NSMCE1: variants seen among roughly 807,000 people sequenced by gnomAD.
NSMCE1 encodes the protein NSE1 component of SMC5/6 complex.
Under a neutral mutation model 29.6 loss-of-function variants are expected in NSMCE1, and 18 were observed. The observed-to-expected ratio is 0.61, with a 90% CI of 0.42 to 0.90. The LOEUF is 0.90. Ranked by LOEUF, NSMCE1 falls within the 40% of genes least tolerant of loss-of-function variation. The pLI is 0.00. For missense variants in NSMCE1, 314 were observed against 343.6 expected, an observed-to-expected ratio of 0.91 and a Z score of 0.68; for synonymous variants, 124 against 133.4, an observed-to-expected ratio of 0.93 and a Z score of 0.49.
intron 5 of NSMCE1, among the ~76,000 whole-genome samples, chr16:27,231,837 C>A (rs537311642): frequency 6.6e-6 from 1 of 152,164 alleles, no homozygotes; most frequent in Non-Finnish European, 1.5e-5. Flanking sequence ...GGGTGTCCGA[C>A]GTCATCCAGA....
intron 5 of NSMCE1, among the ~76,000 whole-genome samples, chr16:27,231,024 T>A (rs1412917032): frequency 6.6e-6 from 1 of 152,246 alleles, no homozygotes; most frequent in Non-Finnish European, 1.5e-5. Flanking sequence ...TGGCAGCATG[T>A]GCTAGGCATG....
chr16:27,259,382 C>T (rs1011859107), intron 1 of NSMCE1, among the ~76,000 whole-genome samples: 2 of 152,100 alleles, frequency 1.3e-5, no homozygotes, highest in Non-Finnish European at 1.5e-5. Context: ...CATTCCATGT[C>T]GATGTACTTA....
rs141891851 is a variant in NSMCE1 at position 27,232,479 on chromosome 16, A to G, written c.483+522T>C. Among the ~76,000 whole-genome samples the G allele has an allele frequency of 7.9e-5, 12 of 152,172 alleles. No homozygotes were observed. Among genetic ancestry groups the G allele is most frequent in the Non-Finnish European group, 1.6e-4 (11 of 68,034 alleles). ...CCTGAGGAACTCACTGCTGACAAAAACAACAGTGGTAATGTCACCAATTCC... is the reference window on the plus strand; with the variant it reads ...CCTGAGGAACTCACTGCTGACAAAAGCAACAGTGGTAATGTCACCAATTCC... On this transcript the variant is annotated intron_variant, in intron 5 of 7. Transcript: ENST00000361439. The surrounding 1 kb of genome is among the most constrained non-coding windows in gnomAD (Gnocchi z 4.5).
intron 5 of NSMCE1, chr16:27,230,498 G>A (rs1298197698): frequency 2.0e-5 from 3 of 152,302 alleles, no homozygotes; most frequent in African/African-American, 7.2e-5. Context: ...ATGTAGGTCA[G>A]AGAGCACTGG....
At chr16:27,229,498 A>G (rs2083740751) in intron 5 of NSMCE1, among the ~76,000 whole-genome samples, 1 of 152,244 alleles carries the variant, frequency 6.6e-6, no homozygotes, top group African/African-American at 2.4e-5. Flanking sequence ...AAGATGAAGT[A>G]GACCTTGCAC....
chr16:27,259,831 G>A (rs1345054533), intron 1 of NSMCE1, among the ~76,000 whole-genome samples: 5 of 152,094 alleles, frequency 3.3e-5, no homozygotes, highest in Non-Finnish European at 2.9e-5. Context: ...GTAGACTGCC[G>A]GCTGCCATCA....
At chr16:27,243,858 C>T (rs530087314) in intron 2 of NSMCE1, among the ~76,000 whole-genome samples, 5 of 152,242 alleles carry the variant, frequency 3.3e-5, no homozygotes, top group Admixed American at 6.5e-5. Context: ...GCAATGTTGC[C>T]CAGGCTGGTC....
Position 27,235,228 on chromosome 16 carries a change from C to T in NSMCE1, c.208G>A (p.Glu70Lys). 6.2e-7 allele frequency: 1 copy of T among 1,613,778 alleles called. No homozygotes were observed. The highest frequency in any genetic ancestry group is 8.5e-7 in the Non-Finnish European group (1 of 1,179,810). ...TCTTCCGTGACTCCTCTCTTTATCTCAATATACAAGGACTCCAAGACACTG... is the reference window on the plus strand; with the variant it reads ...TCTTCCGTGACTCCTCTCTTTATCTTAATATACAAGGACTCCAAGACACTG... Reference protein sequence around the residue: ...INSVLESLYIEIKRGVTEDDG... With the variant: ...INSVLESLYIKIKRGVTEDDG... The change falls in exon 3 of 8, where the codon GAG becomes AAG. Residue 70 changes from glutamate (E) to lysine (K), a missense_variant. By Grantham distance (56) the Glu-to-Lys change is moderately conservative. Coordinates refer to ENST00000361439, the MANE Select transcript of NSMCE1 (RefSeq NM_145080.4).
intron 2 of NSMCE1, among the ~76,000 whole-genome samples, chr16:27,250,046 T>C (rs563074277): frequency 6.6e-6 from 1 of 152,346 alleles, no homozygotes; most frequent in Non-Finnish European, 1.5e-5. Context: ...ATTTTTACAT[T>C]ACCATTTCTG....
chr16:27,254,461 T>A (rs1200388765), intron 2 of NSMCE1, among the ~76,000 whole-genome samples: 2 of 152,242 alleles, frequency 1.3e-5, no homozygotes, highest in Non-Finnish European at 2.9e-5. Context: ...AGGCATCATG[T>A]GGCTCCTTGC....
rs751739448 is a variant in NSMCE1 at position 27,225,821 on chromosome 16, A to ATCCCACAGGTTTCGG, written c.625_626insCCGAAACCTGTGGGA (p.Gly208_Ile209insThrGluThrCysGly). On this transcript the variant is annotated inframe_insertion, in exon 7 of 8. Transcript: ENST00000361439. ...GGCCACGCAGGGTAAGTGCATCCTG[A>ATCCCACAGGTTTCGG]TCCCACAGGTTTCGCAGCTTTGACC... 24 of 1,614,120 alleles carry ATCCCACAGGTTTCGG rather than the reference A, an allele frequency of 1.5e-5. No homozygotes were observed. Among genetic ancestry groups the ATCCCACAGGTTTCGG allele is most frequent in the Non-Finnish European group, 1.9e-5 (23 of 1,180,020 alleles).
rs540802199 is a variant in NSMCE1, at chr16:27,257,386, T to C, written c.136+49A>G. 11 of 1,534,590 alleles carry C rather than the reference T, an allele frequency of 7.2e-6. No homozygotes were observed. In the Admixed American group the frequency reaches 9.7e-5, roughly 14 times the overall value. ...GTATTGTACCTATGTCACTGGTCCC[T>C]GATCAACACAGCACCAGAGCGCCCT... On this transcript the variant is annotated intron_variant, in intron 2 of 7. Transcript: ENST00000361439.
intron 1 of NSMCE1, chr16:27,266,628 A>C (rs1596704102): frequency 6.6e-6 from 1 of 151,902 alleles, no homozygotes; most frequent in East Asian, 1.9e-4. Flanking sequence ...AAAAGAAAAA[A>C]AAAATTACTT....
At chr16:27,239,247 G>A (rs950722965) in intron 2 of NSMCE1, among the ~76,000 whole-genome samples, 2 of 152,112 alleles carry the variant, frequency 1.3e-5, no homozygotes, top group African/African-American at 2.4e-5. Flanking sequence ...TCCACTAAGC[G>A]CTAAGGTTGC....
At chr16:27,259,011 A>G (rs1385694334) in intron 1 of NSMCE1, among the ~76,000 whole-genome samples, 1 of 152,048 alleles carries the variant, frequency 6.6e-6, no homozygotes, top group Non-Finnish European at 1.5e-5. Context: ...CAGCCTCCCA[A>G]AGTGGTGGGA....
intron 2 of NSMCE1, among the ~76,000 whole-genome samples, chr16:27,253,102 T>C (rs1366881997): frequency 6.6e-6 from 1 of 152,242 alleles, no homozygotes; most frequent in East Asian, 1.9e-4. Flanking sequence ...TCCTGAGTTG[T>C]AGCCTTTATA....
Position 27,235,219 on chromosome 16 carries a change from T to C in NSMCE1, c.217A>G (p.Arg73Gly), listed in dbSNP as rs2083805934. ...VLESLYIEIK[R>G]GVTEDDGRPI... is the part of the protein sequence containing the mutation. The stretch of plus-strand genomic sequence containing the variant: ...CTCCCATCATCTTCCGTGACTCCTC[T>C]CTTTATCTCAATATACAAGGACTCC... Residue 73 changes from arginine to glycine, a missense_variant, in exon 3 of 8, where the codon AGA becomes GGA. By Grantham distance (125) the Arg-to-Gly change is moderately radical. Coordinates refer to ENST00000361439, the MANE Select transcript of NSMCE1 (RefSeq NM_145080.4). The C allele has an allele frequency of 6.2e-6, 10 of 1,613,826 alleles. No individual in the cohort carries two copies. Among genetic ancestry groups the C allele is most frequent in the Non-Finnish European group, 8.5e-6 (10 of 1,179,898 alleles).
intron 5 of NSMCE1, among the ~76,000 whole-genome samples, chr16:27,227,709 C>CAACT (rs1413325987): frequency 6.6e-6 from 1 of 152,084 alleles, no homozygotes; most frequent in African/African-American, 2.4e-5. Flanking sequence ...CCCGAGTGCT[C>CAACT]AACTGCCTTT....
chr16:27,259,100 C>T (rs796772644), intron 1 of NSMCE1, among the ~76,000 whole-genome samples: 25 of 152,190 alleles, frequency 1.6e-4, no homozygotes, highest in African/African-American at 4.8e-4. Context: ...TGGGAAAATG[C>T]GCCATCTCAT....
Sources: allele counts gnomAD v4.1 joint callset (sites outside exome capture counted in the v4.1 genomes callset), GRCh38; gene constraint gnomAD v4.1.1; non-coding constraint Gnocchi (gnomAD v3.1); transcripts MANE v1.5; gene names NCBI Gene and HGNC (gene_info 2026-07-23, HGNC 2026-07-21).